The following SCAPER variants were observed in gnomAD, a reference collection of about 807,000 sequenced individuals.
SCAPER encodes the protein S phase cyclin A-associated protein in the endoplasmic reticulum.
Under a neutral mutation model 182.2 loss-of-function variants are expected in SCAPER, and 98 were observed. The ratio of observed to expected loss-of-function variants is 0.54; its 90% CI spans 0.46 to 0.64. The LOEUF is 0.64. SCAPER is among the 30% of genes least tolerant of loss of function. The probability of loss-of-function intolerance (pLI) is 0.00; values close to 1 mark genes in which losing one functional copy is unlikely to be tolerated. For synonymous variants in SCAPER, 605 were observed against 564.6 expected (o/e 1.07, Z -1.01); for missense variants, 1,432 against 1,690.0 (o/e 0.85, Z 2.68).
chr15:76,775,653 T>TACCTCCAAA (rs2063705457), intron 8 of SCAPER, among the ~76,000 whole-genome samples: 1 of 152,164 alleles, frequency 6.6e-6, no homozygotes, highest in Admixed American at 6.5e-5. Flanking sequence ...CTCCAAAGTC[T>TACCTCCAAA]GAGTTCTTTC....
At chr15:76,508,879 T>A (rs755837488) in intron 23 of SCAPER, among the ~76,000 whole-genome samples, 1 of 152,144 alleles carries the variant, frequency 6.6e-6, no homozygotes, top group Non-Finnish European at 1.5e-5. Context: ...CATAGTACCA[T>A]AAGTTAGGGT....
chr15:76,615,558 C>T (rs536684948), intron 22 of SCAPER, among the ~76,000 whole-genome samples: 8 of 151,232 alleles, frequency 5.3e-5, no homozygotes, highest in Admixed American at 1.3e-4. Context: ...CGGTGGCTCA[C>T]ACCTGTAATC....
intron 16 of SCAPER, among the ~76,000 whole-genome samples, chr15:76,729,269 T>TAC (rs887755805): frequency 2.2e-4 from 30 of 139,090 alleles, no homozygotes; most frequent in South Asian, 4.4e-4. Context: ...TATATATATA[T>TAC]ACACACACAC....
rs531039325 is a variant in SCAPER at position 76,766,825 on chromosome 15, AGGACTAGAT to A, written c.1419+84_1419+92del. On this transcript the variant is annotated intron_variant, in intron 11 of 31. Coordinates refer to ENST00000563290, the MANE Select transcript of SCAPER (RefSeq NM_020843.4). Reference sequence around the variant, plus strand: ...GATTTTTAAATAAATAATTCTAAATAGGACTAGATGGACTCCAAGTCTTTCTGGCCCAGA... The same window carrying A: ...GATTTTTAAATAAATAATTCTAAATAGGACTCCAAGTCTTTCTGGCCCAGA... 104 of 925,922 alleles carry A rather than the reference AGGACTAGAT, an allele frequency of 1.1e-4. No individual in the cohort carries two copies. In the African/African-American group the frequency reaches 1.6e-3, roughly 14 times the overall value. The allele number at this position is 925,922 out of a possible 1,614,324, so 57.4% of individuals were successfully genotyped here.
chr15:76,548,874 C>T (rs1455035020), intron 23 of SCAPER, among the ~76,000 whole-genome samples: 2 of 152,288 alleles, frequency 1.3e-5, no homozygotes, highest in African/African-American at 4.8e-5. Context: ...CCATTCAGGA[C>T]ATAGGCATGG....
At chr15:76,657,448 C>T (rs2055744074) in intron 21 of SCAPER, among the ~76,000 whole-genome samples, 1 of 151,680 alleles carries the variant, frequency 6.6e-6, no homozygotes, top group Non-Finnish European at 1.5e-5. Context: ...AGATTTAGAG[C>T]CAGATTCCAC....
intron 16 of SCAPER, 32 bp downstream of exon 16, chr15:76,733,197 C>T (rs2061030592): frequency 5.2e-6 from 8 of 1,547,216 alleles, no homozygotes; most frequent in Non-Finnish European, 7.0e-6. Flanking sequence ...GACAGGTGCT[C>T]AAGCAATGTT....
intron 29 of SCAPER, among the ~76,000 whole-genome samples, chr15:76,372,552 A>G (rs1450480874): frequency 6.6e-6 from 1 of 152,228 alleles, no homozygotes; most frequent in Non-Finnish European, 1.5e-5. Context: ...AAATCCCATG[A>G]AATTCTGAGT....
intron 5 of SCAPER, among the ~76,000 whole-genome samples, chr15:76,835,198 A>G (rs1016944968): frequency 6.6e-6 from 1 of 152,126 alleles, no homozygotes; most frequent in Non-Finnish European, 1.5e-5. Flanking sequence ...ACACACACAC[A>G]CAAATAAAAT....
chr15:76,537,957 A>G (rs1190230686), intron 23 of SCAPER, among the ~76,000 whole-genome samples: 1 of 151,944 alleles, frequency 6.6e-6, no homozygotes, highest in East Asian at 1.9e-4. Context: ...CAAAAGACAC[A>G]TGAAAAAATG....
intron 14 of SCAPER, among the ~76,000 whole-genome samples, chr15:76,763,250 G>C (rs1170114513): frequency 6.9e-6 from 1 of 144,972 alleles, no homozygotes; most frequent in African/African-American, 2.6e-5. Context: ...TGGCTGGCAG[G>C]GTTTTGTTTT....
intron 29 of SCAPER, among the ~76,000 whole-genome samples, chr15:76,374,808 T>G (rs1280744950): frequency 6.6e-6 from 1 of 152,014 alleles, no homozygotes; most frequent in African/African-American, 2.4e-5. Context: ...TTTAGATGAA[T>G]GAGGTTGTCA....
chr15:76,461,437 T>C (rs1237584229), intron 25 of SCAPER, among the ~76,000 whole-genome samples: 3 of 152,074 alleles, frequency 2.0e-5, no homozygotes, highest in Non-Finnish European at 2.9e-5. Context: ...TTGCATCCAC[T>C]GATGATTCTC....
Position 76,662,255 on chromosome 15 carries a change from T to C in SCAPER, c.2645+3398A>G, listed in dbSNP as rs565307689. 3.1e-4 allele frequency among the ~76,000 whole-genome samples: 47 copies of C among 152,272 alleles called. 1 individual carries two copies. The South Asian group carries it at 9.5e-3, about 31-fold the overall frequency. On this transcript the variant is annotated intron_variant, in intron 21 of 31. Transcript: ENST00000563290. ...ACTTAATATCTAGATGATGGGTTGA[T>C]AGTTGCAGCAAACCACCATGGCACA...
rs193109367 is a variant in SCAPER, at chr15:76,801,704, G to A, written c.495-1340C>T. 1.9e-3 allele frequency among the ~76,000 whole-genome samples: 289 copies of A among 152,072 alleles called. 1 individual carries two copies. Among genetic ancestry groups the A allele is most frequent in the African/African-American group, 6.8e-3 (281 of 41,496 alleles). The stretch of plus-strand genomic sequence containing the variant: ...GGAGGCCAAGGAGGGCAGATCACTC[G>A]AGGTCAGGAGTTCGAGATCAGCCTA... On this transcript the variant is annotated intron_variant, in intron 6 of 31. Transcript: ENST00000563290.
chr15:76,712,098 T>A (rs939219865), intron 17 of SCAPER, among the ~76,000 whole-genome samples: 4 of 152,228 alleles, frequency 2.6e-5, no homozygotes, highest in African/African-American at 7.2e-5. Context: ...TTAATCCATC[T>A]TGAATTAATT....
At chr15:76,721,400 G>T (rs2060232428) in intron 17 of SCAPER, among the ~76,000 whole-genome samples, 1 of 151,882 alleles carries the variant, frequency 6.6e-6, no homozygotes, top group South Asian at 2.1e-4. Context: ...GATTGACTTG[G>T]CGATGCGGGC....
intron 25 of SCAPER, among the ~76,000 whole-genome samples, chr15:76,458,046 G>A (rs1036113947): frequency 6.6e-6 from 1 of 152,046 alleles, no homozygotes; most frequent in Non-Finnish European, 1.5e-5. Context: ...GATGGATATA[G>A]AATTCCAGAT....
intron 3 of SCAPER, among the ~76,000 whole-genome samples, chr15:76,858,972 C>CT (rs1442509682): frequency 6.6e-6 from 1 of 152,086 alleles, no homozygotes; most frequent in Non-Finnish European, 1.5e-5. Context: ...AATTTATATT[C>CT]TTTGAGTATA....
Sources: allele counts gnomAD v4.1 joint callset (sites outside exome capture counted in the v4.1 genomes callset), GRCh38; gene constraint gnomAD v4.1.1; transcripts MANE v1.5; gene names NCBI Gene and HGNC (gene_info 2026-07-23, HGNC 2026-07-21).